ALS2: variants seen among roughly 807,000 people sequenced by gnomAD.
ALS2 encodes the protein alsin Rho guanine nucleotide exchange factor ALS2, also known as alsin.
ALS2 carries 117 observed loss-of-function variants against 203.4 expected under a neutral mutation model. That is an observed-to-expected ratio of 0.58 (90% CI 0.50 to 0.67). The LOEUF is 0.67. ALS2 is among the 30% of genes least tolerant of loss of function. The probability of loss-of-function intolerance (pLI) is 0.00; values close to 1 mark genes in which losing one functional copy is unlikely to be tolerated. For synonymous variants in ALS2, 718 were observed against 725.9 expected, an observed-to-expected ratio of 0.99 and a Z score of 0.17; for missense variants, 1,715 against 1,989.4, an observed-to-expected ratio of 0.86 and a Z score of 2.62.
At chr2:201,761,878 T>G in intron 3 of ALS2, 60 bp from the exon 4 acceptor site, 1 of 1,567,014 alleles carries the variant, frequency 6.4e-7, no homozygotes, top group Non-Finnish European at 8.7e-7. Context: ...ACTAAAAATT[T>G]TAACAGCAAA....
chr2:201,707,513 T>C (rs1171446748), intron 28 of ALS2, among the ~76,000 whole-genome samples: 2 of 152,002 alleles, frequency 1.3e-5, no homozygotes, highest in African/African-American at 4.8e-5. Flanking sequence ...ACTGCAGCCT[T>C]TAACCTCCCA....
At chr2:201,718,300 C>T (rs1690538475) in intron 23 of ALS2, 90 bp from the exon 24 acceptor site, 1 of 1,447,492 alleles carries the variant, frequency 6.9e-7, no homozygotes, top group Non-Finnish European at 9.6e-7. Context: ...CACTCTGTTG[C>T]CCAGGCTGGA....
Position 201,757,394 on chromosome 2 carries a change from T to C in ALS2, c.1471+8A>G. The C allele has an allele frequency of 6.2e-7, 1 of 1,610,156 alleles. No homozygotes were observed. Among genetic ancestry groups the C allele is most frequent in the African/African-American group, 1.3e-5 (1 of 74,968 alleles). On this transcript the variant is annotated splice_region_variant and intron_variant, in intron 5 of 33. Coordinates refer to ENST00000264276, the MANE Select transcript of ALS2 (RefSeq NM_020919.4). Reference sequence around the variant, plus strand: ...AAGTCAATTCACAAAACCTAGTTATTTCCTTACCTTGTGACAACAATCCAG... The same window carrying C: ...AAGTCAATTCACAAAACCTAGTTATCTCCTTACCTTGTGACAACAATCCAG...
At position 201,705,155 on chromosome 2, in the gene ALS2, A is replaced by G; in HGVS notation, c.4672T>C (p.Cys1558Arg). The G allele has an allele frequency of 1.2e-6, 2 of 1,614,142 alleles. No homozygotes were observed. The highest frequency in any genetic ancestry group is 4.5e-5 in the East Asian group (2 of 44,852). Residue 1558 changes from cysteine (C) to arginine (R), a missense_variant, in exon 31 of 34, where the codon TGT (cysteine) becomes CGT (arginine). Cys to Arg is a radical substitution (Grantham distance 180, BLOSUM62 -3). Coordinates refer to ENST00000264276, the MANE Select transcript of ALS2 (RefSeq NM_020919.4). ...KDACFASAVE[C>R]LQQISTTFTP... is the part of the protein sequence containing the mutation. The stretch of plus-strand genomic sequence containing the variant: ...AGAGATTACCTGATCTGCTGCAGAC[A>G]TTCTACTGCTGAGGCAAAACAAGCA...
chr2:201,707,550 C>A (rs951686988), intron 28 of ALS2, among the ~76,000 whole-genome samples: 1 of 152,082 alleles, frequency 6.6e-6, no homozygotes, highest in Non-Finnish European at 1.5e-5. Flanking sequence ...TCATCTCAGC[C>A]TCCCACGTAG....
chr2:201,732,204 T>A (rs1174885377), intron 13 of ALS2, among the ~76,000 whole-genome samples: 1 of 152,076 alleles, frequency 6.6e-6, no homozygotes, highest in Non-Finnish European at 1.5e-5. Context: ...CCTGGGTCAC[T>A]CTGAGGGGTG....
rs1215356971 is a variant in ALS2, at chr2:201,727,688, AG to A, written c.2912+16del. 4.6e-6 allele frequency: 5 copies of A among 1,090,050 alleles called. No individual in the cohort carries two copies. Among genetic ancestry groups the A allele is most frequent in the East Asian group, 1.0e-4 (2 of 19,372 alleles). The allele number at this position is 1,090,050 out of a possible 1,614,324, so 67.5% of individuals were successfully genotyped here. On this transcript the variant is annotated intron_variant, in intron 16 of 33. Transcript: ENST00000264276. ...CAGACTTGGACGGGGTGGGGTGGGG[AG>A]GGGGGACGCACTTACACACCACCAG...
rs1317044515 is a variant in ALS2, at chr2:201,727,285, C to T, written c.2913-7G>A. ...AGTTATCTTTAAGCCATTCCTAAAA[C>T]GTTCACAAGGATAAATACCAGGACA... On this transcript the variant is annotated splice_polypyrimidine_tract_variant and splice_region_variant and intron_variant, in intron 16 of 33. Coordinates refer to ENST00000264276, the MANE Select transcript of ALS2 (RefSeq NM_020919.4). 2.0e-5 allele frequency: 33 copies of T among 1,611,244 alleles called. No individual in the cohort carries two copies. In the East Asian group the frequency reaches 3.8e-4, roughly 19 times the overall value.
At chr2:201,710,181 T>C (rs1689950217) in intron 26 of ALS2, 143 bp from the exon 27 acceptor site, 3 of 871,660 alleles carry the variant, frequency 3.4e-6, no homozygotes, top group Non-Finnish European at 5.0e-6. Context: ...TCAAATACTT[T>C]AATTTTTTTG....
At chr2:201,746,844 C>T (rs1692696041) in intron 8 of ALS2, 96 bp from the exon 9 acceptor site, 12 of 1,404,378 alleles carry the variant, frequency 8.5e-6, no homozygotes, top group Middle Eastern at 3.5e-4. Context: ...CTTAAATAAG[C>T]GTGGTGCAGT....
chr2:201,758,417 C>T (rs973688672), intron 4 of ALS2, among the ~76,000 whole-genome samples: 33 of 152,062 alleles, frequency 2.2e-4, no homozygotes, highest in African/African-American at 7.5e-4. Flanking sequence ...ATTACCTTTG[C>T]TCTTGCTACC....
At chr2:201,731,337 T>C (rs1691542808) in intron 13 of ALS2, among the ~76,000 whole-genome samples, 1 of 152,140 alleles carries the variant, frequency 6.6e-6, no homozygotes, top group African/African-American at 2.4e-5. Flanking sequence ...TTATATATCA[T>C]AAAAGACAAT....
chr2:201,705,798 A>G (rs1689671901), intron 29 of ALS2, among the ~76,000 whole-genome samples: 1 of 152,182 alleles, frequency 6.6e-6, no homozygotes, highest in African/African-American at 2.4e-5. Context: ...AAAATATAAA[A>G]ATTAGCTGGG....
chr2:201,709,405 G>A (rs2105971215), intron 27 of ALS2, among the ~76,000 whole-genome samples: 1 of 152,224 alleles, frequency 6.6e-6, no homozygotes, highest in Non-Finnish European at 1.5e-5. Context: ...TTTGTTCACT[G>A]ATAAATCCCT....
At chr2:201,724,272 G>A in intron 21 of ALS2, 23 bp downstream of exon 21, 3 of 1,606,780 alleles carry the variant, frequency 1.9e-6, no homozygotes, top group Non-Finnish European at 2.6e-6. Context: ...TTAAACTGTG[G>A]GAATAGAAGG....
At chr2:201,711,722 T>C (rs932026698) in intron 25 of ALS2, among the ~76,000 whole-genome samples, 2 of 152,224 alleles carry the variant, frequency 1.3e-5, no homozygotes, top group African/African-American at 4.8e-5. Flanking sequence ...TAGTGTTCTA[T>C]CATTAGATGA....
At chr2:201,706,258 C>T (rs914701277) in intron 29 of ALS2, among the ~76,000 whole-genome samples, 24 of 150,908 alleles carry the variant, frequency 1.6e-4, no homozygotes, top group African/African-American at 4.1e-4. Context: ...TGGTGCCGTG[C>T]GCCTGTAATC....
chr2:201,718,682 G>C (rs1690566169), intron 23 of ALS2, among the ~76,000 whole-genome samples: 1 of 151,960 alleles, frequency 6.6e-6, no homozygotes, highest in African/African-American at 2.4e-5. Flanking sequence ...ATGTCTAAAA[G>C]AGTATATGAA....
chr2:201,730,617 T>C (rs1691494056), intron 13 of ALS2, among the ~76,000 whole-genome samples: 1 of 152,106 alleles, frequency 6.6e-6, no homozygotes, highest in African/African-American at 2.4e-5. Context: ...TATCTGTCAA[T>C]TGTCCTTTCA....
Sources: allele counts gnomAD v4.1 joint callset (sites outside exome capture counted in the v4.1 genomes callset), GRCh38; gene constraint gnomAD v4.1.1; transcripts MANE v1.5; gene names NCBI Gene and HGNC (gene_info 2026-07-23, HGNC 2026-07-21).